Variants in RANBP9 observed in about 807,000 individuals in gnomAD.
The protein encoded by RANBP9 is ran-binding protein 9.
A neutral mutation model predicts 84.3 loss-of-function variants in RANBP9; 15 were observed. That is an observed-to-expected ratio of 0.18 (90% confidence interval 0.12 to 0.27). The LOEUF is 0.27. RANBP9 is among the 10% of genes least tolerant of loss of function. The probability of loss-of-function intolerance (pLI) is 1.00; values close to 1 mark genes in which losing one functional copy is unlikely to be tolerated. For synonymous variants in RANBP9, 392 were observed against 349.6 expected (o/e 1.12, Z -1.35); for missense variants, 809 against 912.8 (o/e 0.89, Z 1.46).
At position 13,625,747 on chromosome 6, in the gene RANBP9, T is replaced by C. The variant is rs1393203333; in HGVS notation, c.1965A>G (p.Leu655=). Residue 655 remains leucine, a synonymous_variant, in exon 13 of 14, where the codon CTA becomes CTG. Coordinates refer to ENST00000011619, the MANE Select transcript of RANBP9 (RefSeq NM_005493.3). The part of the protein sequence containing the change: ...KKMLKDAFSL[L]AYSDPWNSPV... ...GGCTGTTCCAGGGATCTGAATATGC[T>C]AGTAGACTGAATGCATCCTGTTGAA... The C allele has an allele frequency of 6.2e-7, 1 of 1,608,232 alleles. No individual in the cohort carries two copies. The highest frequency in any genetic ancestry group is 1.1e-5 in the South Asian group (1 of 90,962).
At chr6:13,705,121 A>G (rs1325184984) in intron 1 of RANBP9, among the ~76,000 whole-genome samples, 7 of 152,170 alleles carry the variant, frequency 4.6e-5, no homozygotes, top group Non-Finnish European at 5.9e-5. Context: ...ATATATCATT[A>G]GGCTGGGTGC....
At chr6:13,678,206 A>G (rs538359691) in intron 2 of RANBP9, among the ~76,000 whole-genome samples, 1 of 152,356 alleles carries the variant, frequency 6.6e-6, no homozygotes, top group East Asian at 1.9e-4. Flanking sequence ...TGTTTAGAAA[A>G]GGCAATCACT....
intron 3 of RANBP9, among the ~76,000 whole-genome samples, chr6:13,657,654 ACATCCTATTCAAT>A (rs1480751511): frequency 6.6e-6 from 1 of 152,214 alleles, no homozygotes; most frequent in Non-Finnish European, 1.5e-5. Flanking sequence ...ATAAGAGATT[ACATCCTATTCAAT>A]CACTGCAAGT....
At chr6:13,658,216 T>C (rs1221435091) in intron 3 of RANBP9, among the ~76,000 whole-genome samples, 1 of 152,118 alleles carries the variant, frequency 6.6e-6, no homozygotes, top group Non-Finnish European at 1.5e-5. Context: ...GTAGCTGATA[T>C]TACTATGTAC....
chr6:13,683,528 T>G (rs1766094452), intron 2 of RANBP9, among the ~76,000 whole-genome samples: 1 of 152,112 alleles, frequency 6.6e-6, no homozygotes, highest in Non-Finnish European at 1.5e-5. Flanking sequence ...TTTTTTAATC[T>G]CTCATGTGAC....
chr6:13,622,335 A>T lies in RANBP9; in HGVS notation c.*27T>A, dbSNP rs115719968. Reference sequence around the variant, plus strand: ...TTCCATGTTGACTATATGCCACAATATAAGTGTGAGCTCTTGAAATGCATA... The same window carrying T: ...TTCCATGTTGACTATATGCCACAATTTAAGTGTGAGCTCTTGAAATGCATA... On this transcript the variant is annotated 3_prime_UTR_variant, in exon 14 of 14. Transcript: ENST00000011619. The T allele has an allele frequency of 1.2e-5, 18 of 1,514,308 alleles. No individual in the cohort carries two copies. The highest frequency in any genetic ancestry group is 1.6e-5 in the Non-Finnish European group (18 of 1,130,610). 93.8% of individuals were successfully genotyped at this position (1,514,308 alleles called of 1,614,324 possible).
intron 2 of RANBP9, among the ~76,000 whole-genome samples, chr6:13,684,157 C>T (rs1426512580): frequency 6.6e-6 from 1 of 152,126 alleles, no homozygotes; most frequent in Non-Finnish European, 1.5e-5. Context: ...TTATGCAGCA[C>T]CTATTTTGTG....
chr6:13,680,403 G>GA (rs1766006909), intron 2 of RANBP9, among the ~76,000 whole-genome samples: 1 of 151,848 alleles, frequency 6.6e-6, no homozygotes, highest in African/African-American at 2.4e-5. Flanking sequence ...TTTCTTGTAA[G>GA]AAAAAAATGT....
intron 11 of RANBP9, chr6:13,632,754 C>A (rs1764825353): frequency 8.6e-6 from 3 of 348,796 alleles, no homozygotes; most frequent in Non-Finnish European, 1.0e-5. Flanking sequence ...TGAGAGGGGA[C>A]AACCTTTCAG....
chr6:13,631,387 A>AT (rs939233862), intron 12 of RANBP9, among the ~76,000 whole-genome samples: 8 of 152,058 alleles, frequency 5.3e-5, no homozygotes, highest in African/African-American at 1.7e-4. Context: ...CAGATTTCAG[A>AT]TTTTTTCAAA....
chr6:13,710,894 G>C, intron 1 of RANBP9, 41 bp downstream of exon 1: 1 of 1,552,364 alleles, frequency 6.4e-7, no homozygotes, highest in East Asian at 2.5e-5. Context: ...GGCCACGTCG[G>C]GTCAGTGCCC....
At chr6:13,697,147 C>T (rs1256638019) in intron 1 of RANBP9, among the ~76,000 whole-genome samples, 4 of 152,124 alleles carry the variant, frequency 2.6e-5, no homozygotes, top group Admixed American at 6.6e-5. Flanking sequence ...GAAATTGAAC[C>T]TAGCAGCCTT....
At position 13,711,478 on chromosome 6, in the gene RANBP9, G is replaced by A; in HGVS notation, c.28C>T (p.Pro10Ser). The part of the protein sequence containing the change: MSGQPPPPP[P>S]QQQQQQQQLS... ...TGCTGCTGCTGTTGCTGCTGCTGCG[G>A]CGGCGGCGGCGGCGGCTGCCCGGAC... The change falls in exon 1 of 14, where the codon CCG (proline) becomes TCG (serine). Residue 10 changes from proline (P) to serine (S), a missense_variant. Pro to Ser is a moderately conservative substitution (Grantham distance 74). This residue lies in a region of RANBP9 where 302 missense variants were observed against 240.1 expected (regional missense o/e 1.26). Coordinates refer to ENST00000011619, the MANE Select transcript of RANBP9 (RefSeq NM_005493.3). 8.1e-7 allele frequency: 1 copy of A among 1,240,404 alleles called. No individual in the cohort carries two copies. Among genetic ancestry groups the A allele is most frequent in the Non-Finnish European group, 1.0e-6 (1 of 991,718 alleles). The allele number at this position is 1,240,404 out of a possible 1,614,324, so 76.8% of individuals were successfully genotyped here.
chr6:13,625,726 G>C lies in RANBP9; in HGVS notation c.1986C>G (p.Asn662Lys), dbSNP rs1764583642. 1.2e-6 allele frequency: 2 copies of C among 1,612,704 alleles called. No individual in the cohort carries two copies. Among genetic ancestry groups the C allele is most frequent in the Admixed American group, 1.7e-5 (1 of 59,992 alleles). The change falls in exon 13 of 14, where the codon AAC becomes AAG. Residue 662 changes from asparagine to lysine, a missense_variant. Around this residue, in one of 5 missense-constraint regions of RANBP9, gnomAD observed 233 missense variants for 234.4 expected, o/e 0.99. Coordinates refer to ENST00000011619, the MANE Select transcript of RANBP9 (RefSeq NM_005493.3). ...GGTCAAGCTGATTTCCAACTGGGCTGTTCCAGGGATCTGAATATGCTAGTA... is the reference window on the plus strand; with the variant it reads ...GGTCAAGCTGATTTCCAACTGGGCTCTTCCAGGGATCTGAATATGCTAGTA... Reference protein sequence around the residue: ...FSLLAYSDPWNSPVGNQLDPI... With the variant: ...FSLLAYSDPWKSPVGNQLDPI...
intron 4 of RANBP9, among the ~76,000 whole-genome samples, chr6:13,653,109 A>G (rs528299457): frequency 6.6e-6 from 1 of 152,196 alleles, no homozygotes; most frequent in Non-Finnish European, 1.5e-5. Flanking sequence ...GCTGGAAAGA[A>G]AAGAGTTTTT....
intron 12 of RANBP9, among the ~76,000 whole-genome samples, chr6:13,630,518 T>TA (rs61203161): frequency 0.53 from 78,042 of 146,926 alleles, 20,735 homozygotes; most frequent in Admixed American, 0.62. Context: ...TAAGAATTCT[T>TA]AAAAAAAAAA....
At chr6:13,632,008 G>A (rs944104931) in intron 12 of RANBP9, among the ~76,000 whole-genome samples, 1 of 151,280 alleles carries the variant, frequency 6.6e-6, no homozygotes, top group African/African-American at 2.4e-5. Context: ...TTATCTGCAC[G>A]CCCACATTGC....
chr6:13,698,520 A>G (rs975193858), intron 1 of RANBP9, among the ~76,000 whole-genome samples: 2 of 152,216 alleles, frequency 1.3e-5, no homozygotes, highest in Non-Finnish European at 2.9e-5. Flanking sequence ...GATTGTTACA[A>G]ATAAATCTAT....
At chr6:13,690,328 A>G (rs1240066442) in intron 2 of RANBP9, among the ~76,000 whole-genome samples, 2 of 152,194 alleles carry the variant, frequency 1.3e-5, no homozygotes, top group African/African-American at 4.8e-5. Context: ...TACTTATAAT[A>G]AATGTATTGT....
Sources: gnomAD v4.1 joint callset for allele counts (sites outside exome capture counted in the v4.1 genomes callset) on GRCh38, gnomAD v4.1.1 for gene constraint, gnomAD v4.1.1 regional missense constraint, MANE v1.5 for transcripts, NCBI Gene and HGNC (gene_info 2026-07-23, HGNC 2026-07-21) for gene names.